Variants in ZNF536 observed in about 807,000 individuals in gnomAD.
The protein encoded by ZNF536 is zinc finger protein 536.
ZNF536 carries 13 observed loss-of-function variants against 84.5 expected under a neutral mutation model. That is an observed-to-expected ratio of 0.15 (90% CI 0.10 to 0.24). The LOEUF (loss-of-function observed/expected upper bound fraction) is 0.24. Ranked by LOEUF, ZNF536 falls within the 10% of genes least tolerant of loss-of-function variation. ZNF536 has a pLI of 1.00. For synonymous variants in ZNF536, 811 were observed against 742.5 expected (o/e 1.09, Z -1.50); for missense variants, 1,536 against 1,747.5 (o/e 0.88, Z 2.16).
intron 1 of ZNF536, 40 bp from the exon 2 acceptor site, chr19:30,443,521 C>T (rs775663916): frequency 1.3e-6 from 2 of 1,506,322 alleles, no homozygotes; most frequent in East Asian, 2.3e-5. Context: ...GGCGCCACAG[C>T]CGCACCTGGC....
intron 1 of ZNF536, among the ~76,000 whole-genome samples, chr19:30,647,570 T>C (rs546243350): frequency 6.6e-6 from 1 of 152,384 alleles, no homozygotes; most frequent in African/African-American, 2.4e-5. Context: ...TCTGCTTTCG[T>C]CTTCCCTTTA....
At chr19:30,605,813 G>C (rs2047849517) in intron 1 of ZNF536, among the ~76,000 whole-genome samples, 2 of 152,172 alleles carry the variant, frequency 1.3e-5, no homozygotes, top group African/African-American at 4.8e-5. Flanking sequence ...ACTATCACCA[G>C]CTCACAGTCC....
At chr19:30,711,311 G>A (rs2052447596) in exon 2 of ZNF536, 1 of 152,110 alleles carries the variant, frequency 6.6e-6, no homozygotes, top group East Asian at 1.9e-4. Context: ...CTTCCAACTC[G>A]AAAGTCGTCT....
At chr19:30,617,604 C>G (rs1186457467) in intron 1 of ZNF536, among the ~76,000 whole-genome samples, 1 of 151,804 alleles carries the variant, frequency 6.6e-6, no homozygotes, top group Non-Finnish European at 1.5e-5. Context: ...CCCACTGTGG[C>G]CTCCCAAAGT....
At chr19:30,321,757 C>T (rs73018849) in intron 2 of ZNF536, among the ~76,000 whole-genome samples, 44,257 of 144,470 alleles carry the variant, frequency 0.31, 8,529 homozygotes, top group Non-Finnish European at 0.44. Context: ...TTTTTGTTTT[C>T]TTTTTTCTTT....
chr19:30,687,843 A>T (rs571666050), intron 1 of ZNF536, among the ~76,000 whole-genome samples: 3,777 of 144,760 alleles, frequency 0.026, 132 homozygotes, highest in African/African-American at 0.082. Context: ...GGATTTTTTT[A>T]AAAAAAACTT....
intron 1 of ZNF536, among the ~76,000 whole-genome samples, chr19:30,234,614 C>G (rs185821428): frequency 6.6e-6 from 1 of 152,082 alleles, no homozygotes; most frequent in East Asian, 1.9e-4. Context: ...GTTAGCCAGG[C>G]TGGTCTCAAA....
At chr19:30,471,019 C>G (rs1267518681) in intron 2 of ZNF536, among the ~76,000 whole-genome samples, 2 of 148,570 alleles carry the variant, frequency 1.3e-5, no homozygotes, top group African/African-American at 5.0e-5. Flanking sequence ...TTGGGTCTCG[C>G]TATGTTGCCC....
intron 1 of ZNF536, among the ~76,000 whole-genome samples, chr19:30,687,744 G>T (rs2051245850): frequency 6.6e-6 from 1 of 152,058 alleles, no homozygotes; most frequent in South Asian, 2.1e-4. Flanking sequence ...CATTTTGAGG[G>T]AGCACTTTCA....
chr19:30,374,080 T>C (rs1348905958), intron 1 of ZNF536, among the ~76,000 whole-genome samples: 1 of 152,218 alleles, frequency 6.6e-6, no homozygotes, highest in Admixed American at 6.5e-5. Context: ...GTGATATAGG[T>C]ATGGGCATTA....
At chr19:30,485,589 G>A (rs1256966708) in intron 2 of ZNF536, among the ~76,000 whole-genome samples, 1 of 146,606 alleles carries the variant, frequency 6.8e-6, no homozygotes, top group African/African-American at 2.7e-5. Context: ...GCAAGCAGTG[G>A]ATCTTTTTTT....
At chr19:30,668,230 A>T (rs951226147) in intron 1 of ZNF536, among the ~76,000 whole-genome samples, 1 of 151,248 alleles carries the variant, frequency 6.6e-6, no homozygotes, top group Admixed American at 6.6e-5. Flanking sequence ...TGCCCTGGAG[A>T]CTCTACACCA....
intron 1 of ZNF536, among the ~76,000 whole-genome samples, chr19:30,432,018 TAC>T (rs368404408): frequency 7.4e-4 from 107 of 145,452 alleles, no homozygotes; most frequent in Middle Eastern, 3.5e-3. Context: ...CACACACACA[TAC>T]ACACACACAC....
chr19:30,385,709 C>T (rs963213139), intron 1 of ZNF536, among the ~76,000 whole-genome samples: 3 of 152,158 alleles, frequency 2.0e-5, no homozygotes, highest in Non-Finnish European at 4.4e-5. Flanking sequence ...TTCCTTCTAC[C>T]CATATTCCAC....
At chr19:30,636,533 G>C (rs2049071373) in intron 1 of ZNF536, among the ~76,000 whole-genome samples, 2 of 152,158 alleles carry the variant, frequency 1.3e-5, no homozygotes, top group Admixed American at 6.5e-5. Context: ...AAAGAGAAAA[G>C]TCCACAGGGT....
At chr19:30,324,045 C>A (rs1037859066) in intron 2 of ZNF536, among the ~76,000 whole-genome samples, 2 of 151,682 alleles carry the variant, frequency 1.3e-5, no homozygotes, top group African/African-American at 2.4e-5. Context: ...ATCCTCCATC[C>A]ATCTATCCAT....
At chr19:30,643,152 C>T (rs1458586917) in intron 1 of ZNF536, among the ~76,000 whole-genome samples, 2 of 152,162 alleles carry the variant, frequency 1.3e-5, no homozygotes, top group African/African-American at 2.4e-5. Context: ...GGTGGGGGAA[C>T]GGGTGCTTCT....
chr19:30,606,714 G>A (rs1416235201), intron 1 of ZNF536, among the ~76,000 whole-genome samples: 3 of 152,140 alleles, frequency 2.0e-5, no homozygotes, highest in Non-Finnish European at 4.4e-5. Context: ...ACAAACGGGA[G>A]GGTGGCTAGA....
chr19:30,372,908 C>T (rs1023878946), intron 1 of ZNF536, among the ~76,000 whole-genome samples: 1 of 149,228 alleles, frequency 6.7e-6, no homozygotes, highest in African/African-American at 2.5e-5. Flanking sequence ...AAACAACCCA[C>T]CTGCTTCTAA....
Sources: gnomAD v4.1 joint callset for allele counts (sites outside exome capture counted in the v4.1 genomes callset) on GRCh38, gnomAD v4.1.1 for gene constraint, MANE v1.5 for transcripts, NCBI Gene and HGNC (gene_info 2026-07-23, HGNC 2026-07-21) for gene names.